Variants in ASB1 observed in about 807,000 individuals in gnomAD.
ASB1 encodes ankyrin repeat and SOCS box protein 1.
A neutral mutation model predicts 27.7 loss-of-function variants in ASB1; 18 were observed. The observed-to-expected ratio is 0.65, with a 90% CI of 0.45 to 0.96. ASB1 has a LOEUF of 0.96. ASB1 is among the 50% of genes least tolerant of loss of function. The pLI is 0.00. For missense variants in ASB1, 397 were observed against 451.7 expected, an observed-to-expected ratio of 0.88 and a Z score of 1.10; for synonymous variants, 189 against 187.6, an observed-to-expected ratio of 1.01 and a Z score of -0.06.
Position 238,445,480 on chromosome 2 carries a change from A to T in ASB1, c.880+753A>T, listed in dbSNP as rs1256569971. 2.0e-5 allele frequency among the ~76,000 whole-genome samples: 3 copies of T among 152,328 alleles called. No homozygotes were observed. The South Asian group carries it at 6.2e-4, about 32-fold the overall frequency. ...TGTGATAAGCCTAAATTTTGTAACA[A>T]TAAAGTTCCTGGTCTGCTTATTTAT... is the stretch of plus-strand genomic sequence containing the variant. On this transcript the variant is annotated intron_variant, in intron 4 of 4. Coordinates refer to ENST00000264607, the MANE Select transcript of ASB1 (RefSeq NM_001040445.3).
chr2:238,445,259 A>G (rs1702157433), intron 4 of ASB1, among the ~76,000 whole-genome samples: 1 of 152,150 alleles, frequency 6.6e-6, no homozygotes, highest in African/African-American at 2.4e-5. Context: ...GATTACAGGC[A>G]CGAGCCACTG....
intron 1 of ASB1, chr2:238,427,350 A>G (rs1398664181): frequency 8.0e-6 from 3 of 375,948 alleles, no homozygotes; most frequent in Non-Finnish European, 1.4e-5. Flanking sequence ...TCCCCGCGCT[A>G]GATTTTCTTT....
chr2:238,444,259 G>A, intron 3 of ASB1, 83 bp from the exon 4 acceptor site: 1 of 1,483,710 alleles, frequency 6.7e-7, no homozygotes. Flanking sequence ...GCTCAGGGTG[G>A]CTGTGGGATT....
chr2:238,436,478 TA>T (rs1246239151), intron 3 of ASB1, among the ~76,000 whole-genome samples: 3 of 151,944 alleles, frequency 2.0e-5, no homozygotes, highest in African/African-American at 7.3e-5. Context: ...TTCTTTGACG[TA>T]AAAAAATTAT....
At chr2:238,434,499 C>T (rs578510) in intron 2 of ASB1, among the ~76,000 whole-genome samples, 67,491 of 152,118 alleles carry the variant, frequency 0.44, 17,739 homozygotes, top group Middle Eastern at 0.63. Flanking sequence ...TACATGTTGG[C>T]GCCGAAACTA....
Position 238,439,462 on chromosome 2 carries a change from C to A in ASB1, c.494+3449C>A, listed in dbSNP as rs552891875. Among the ~76,000 whole-genome samples the A allele has an allele frequency of 7.7e-4, 118 of 152,292 alleles. 1 individual carries two copies. The highest frequency in any genetic ancestry group is 1.7e-3 in the Admixed American group (26 of 15,290). ...ACGGTTAGAAAGCGTGGCTGCTGGC[C>A]TTACCTGTTGGCGAGCGCTGTGATT... On this transcript the variant is annotated intron_variant, in intron 3 of 4. Transcript: ENST00000264607.
In ASB1 at chr2:238,446,673, C is replaced by T. The variant is rs1428044139; in HGVS notation, c.*162C>T. On this transcript the variant is annotated 3_prime_UTR_variant, in exon 5 of 5. Coordinates refer to ENST00000264607, the MANE Select transcript of ASB1 (RefSeq NM_001040445.3). ...CTCCTCAGGTGCCTGGGCCGCTGAA[C>T]AGTCCTTGGGTCATTGTCAGCTGAG... is the stretch of plus-strand genomic sequence containing the variant. 2.4e-6 allele frequency: 2 copies of T among 849,024 alleles called. No individual in the cohort carries two copies. Among genetic ancestry groups the T allele is most frequent in the Non-Finnish European group, 3.8e-6 (2 of 529,780 alleles). The allele number at this position is 849,024 out of a possible 1,614,324, so 52.6% of individuals were successfully genotyped here. A position where few individuals can be genotyped will look rare whatever the true frequency, so the allele number is the denominator to read the frequency against.
Position 238,433,706 on chromosome 2 carries a change from C to A in ASB1, c.191+11C>A. On this transcript the variant is annotated intron_variant, in intron 2 of 4. Transcript: ENST00000264607. ...GGAGAGCTACCGGAGGTGAGCGGCG[C>A]TGCCCAGGGCTGGTCCGGGTACTAG... The A allele has an allele frequency of 6.2e-7, 1 of 1,613,392 alleles. No homozygotes were observed. Among genetic ancestry groups the A allele is most frequent in the Non-Finnish European group, 8.5e-7 (1 of 1,179,670 alleles).
Position 238,447,635 on chromosome 2 carries a change from A to T in ASB1, c.*1124A>T, listed in dbSNP as rs1575010322. 1 of 152,368 alleles carries T rather than the reference A, an allele frequency of 6.6e-6. No individual in the cohort carries two copies. Among genetic ancestry groups the T allele is most frequent in the East Asian group, 1.9e-4 (1 of 5,192 alleles). 9.4% of individuals were successfully genotyped at this position (152,368 alleles called of 1,614,324 possible). A position where few individuals can be genotyped will look rare whatever the true frequency, so the allele number is the denominator to read the frequency against. On this transcript the variant is annotated 3_prime_UTR_variant, in exon 5 of 5. Transcript: ENST00000264607. ...GTGGCTGCAGCCTCAGAGCCCTCCCAGGTTGCTGCTGTTTCCAGTGAATCA... is the reference window on the plus strand; with the variant it reads ...GTGGCTGCAGCCTCAGAGCCCTCCCTGGTTGCTGCTGTTTCCAGTGAATCA...
rs960496886 is a variant in ASB1 at position 238,437,216 on chromosome 2, T to C, written c.494+1203T>C. 2.0e-5 allele frequency among the ~76,000 whole-genome samples: 3 copies of C among 152,024 alleles called. No individual in the cohort carries two copies. The South Asian group carries it at 6.2e-4, about 31-fold the overall frequency. ...TTTTTTCTTTCCTCTTCCATTATAC[T>C]AGGTTTACAGTCTTATTTTATTTTA... On this transcript the variant is annotated intron_variant, in intron 3 of 4. Coordinates refer to ENST00000264607, the MANE Select transcript of ASB1 (RefSeq NM_001040445.3).
At chr2:238,430,951 T>C (rs1701860513) in intron 1 of ASB1, among the ~76,000 whole-genome samples, 1 of 152,236 alleles carries the variant, frequency 6.6e-6, no homozygotes. Flanking sequence ...GATCCATTTA[T>C]AGTGCGCAGG....
chr2:238,437,132 CTGTTATCTTTCTGTTTT>C (rs1182311272), intron 3 of ASB1, among the ~76,000 whole-genome samples: 1 of 151,906 alleles, frequency 6.6e-6, no homozygotes, highest in African/African-American at 2.4e-5. Context: ...GGGTCTGTTT[CTGTTATCTTTCTGTTTT>C]GTAACTGTTT....
intron 1 of ASB1, chr2:238,433,347 A>G: frequency 1.8e-6 from 1 of 545,026 alleles, no homozygotes; most frequent in Non-Finnish European, 3.3e-6. Flanking sequence ...GCTGATCTTG[A>G]ACTCCTGGCC....
rs10178808 is a variant in ASB1, at chr2:238,451,513, T to C, written c.*5002T>C. ...CACTGCTTCTCTTTGCTGTTGGGCA[T>C]GTGAGGCATGACTTGGAGGGGGGCC... On this transcript the variant is annotated 3_prime_UTR_variant, in exon 5 of 5. Coordinates refer to ENST00000264607, the MANE Select transcript of ASB1 (RefSeq NM_001040445.3). 21,192 of 152,550 alleles carry C rather than the reference T, an allele frequency of 0.14. 2,735 individuals carry two copies. Among genetic ancestry groups the C allele is most frequent in the African/African-American group, 0.34 (14,044 of 41,472 alleles). 9.4% of individuals were successfully genotyped at this position (152,550 alleles called of 1,614,324 possible). A position where few individuals can be genotyped will look rare whatever the true frequency, so the allele number is the denominator to read the frequency against.
At chr2:238,428,777 G>A (rs1387135703) in intron 1 of ASB1, among the ~76,000 whole-genome samples, 2 of 152,162 alleles carry the variant, frequency 1.3e-5, no homozygotes, top group East Asian at 3.8e-4. Flanking sequence ...TCTGGAGCTG[G>A]GGAAAGATTC....
intron 1 of ASB1, chr2:238,427,369 A>C (rs958552387): frequency 8.1e-6 from 3 of 370,094 alleles, no homozygotes; most frequent in African/African-American, 6.3e-5. Context: ...TTCCGGTGGA[A>C]CTTGCTCGTA....
chr2:238,433,855 G>C (rs953781059), intron 2 of ASB1, among the ~76,000 whole-genome samples, 160 bp downstream of exon 2: 1 of 152,242 alleles, frequency 6.6e-6, no homozygotes, highest in Non-Finnish European at 1.5e-5. Context: ...AGCATGGTCA[G>C]AGTTGTAGGA....
At chr2:238,439,834 G>A (rs981302786) in intron 3 of ASB1, among the ~76,000 whole-genome samples, 4 of 152,100 alleles carry the variant, frequency 2.6e-5, no homozygotes, top group Admixed American at 6.5e-5. Context: ...GCCATGTTTC[G>A]CTCCCGTAAA....
chr2:238,437,339 C>T (rs1701991775), intron 3 of ASB1, among the ~76,000 whole-genome samples: 1 of 152,148 alleles, frequency 6.6e-6, no homozygotes, highest in Admixed American at 6.5e-5. Context: ...TCAAGCAGTT[C>T]TCCTTCCTTA....
Sources: allele counts gnomAD v4.1 joint callset (sites outside exome capture counted in the v4.1 genomes callset), GRCh38; gene constraint gnomAD v4.1.1; transcripts MANE v1.5; gene names NCBI Gene and HGNC (gene_info 2026-07-23, HGNC 2026-07-21).